SIRPA: variants seen among roughly 807,000 people sequenced by gnomAD.
SIRPA encodes the protein tyrosine-protein phosphatase non-receptor type substrate 1.
SIRPA carries 9 observed loss-of-function variants against 50.3 expected under a neutral mutation model. The ratio of observed to expected loss-of-function variants is 0.18; its 90% CI spans 0.11 to 0.31. SIRPA has a LOEUF of 0.31. Among genes scored for constraint, SIRPA ranks in the 10% least tolerant of loss-of-function variants. The pLI is 1.00. For missense variants in SIRPA, 474 were observed against 661.6 expected (o/e 0.72, Z 3.11); for synonymous variants, 265 against 284.1 (o/e 0.93, Z 0.68).
At chr20:1,931,646 G>A (rs1986304034) in intron 6 of SIRPA, among the ~76,000 whole-genome samples, 1 of 152,154 alleles carries the variant, frequency 6.6e-6, no homozygotes, top group Admixed American at 6.5e-5. Flanking sequence ...TCCAGAGGAC[G>A]TTGGTGTGAG....
rs936712888 is a variant in SIRPA, at chr20:1,937,974, A to ACCACCT, written c.*412_*417dup. 3.2e-4 allele frequency: 52 copies of ACCACCT among 164,066 alleles called. No individual in the cohort carries two copies. Among genetic ancestry groups the ACCACCT allele is most frequent in the Non-Finnish European group, 5.5e-4 (47 of 86,080 alleles). The allele number at this position is 164,066 out of a possible 1,614,324, so 10.2% of individuals were successfully genotyped here. A position where few individuals can be genotyped will look rare whatever the true frequency, so the allele number is the denominator to read the frequency against. On this transcript the variant is annotated 3_prime_UTR_variant, in exon 8 of 8. Coordinates refer to ENST00000358771, the MANE Select transcript of SIRPA (RefSeq NM_001040023.2). The surrounding 1 kb of genome is among the most constrained non-coding windows in gnomAD (Gnocchi z 8.3). Reference sequence around the variant, plus strand: ...GAAAATCCCACCTCCCCTGACCTCCACCACCTCCACCACCACCACCACCAC... The same window carrying ACCACCT: ...GAAAATCCCACCTCCCCTGACCTCCACCACCTCCACCTCCACCACCACCACCACCAC...
chr20:1,920,061 G>C (rs1261287932), intron 2 of SIRPA, among the ~76,000 whole-genome samples: 1 of 152,156 alleles, frequency 6.6e-6, no homozygotes, highest in African/African-American at 2.4e-5. Context: ...TCTTAACAGG[G>C]TGGGGTTTGT....
chr20:1,911,961 AC>A (rs201065154), intron 1 of SIRPA, among the ~76,000 whole-genome samples: 40 of 151,066 alleles, frequency 2.6e-4, no homozygotes, highest in African/African-American at 8.0e-4. Flanking sequence ...AAAAAAAAAA[AC>A]CCCTCTCTAC....
chr20:1,940,030 C>G lies in SIRPA; in HGVS notation c.*2462C>G, dbSNP rs1219027202. On this transcript the variant is annotated 3_prime_UTR_variant, in exon 8 of 8. Coordinates refer to ENST00000358771, the MANE Select transcript of SIRPA (RefSeq NM_001040023.2). ...TTGGAAACAACCTACAGCATTTGAG[C>G]CCCTCACGTAGGTTTTAGAGACGTA... The G allele has an allele frequency of 6.6e-6, 1 of 152,268 alleles. No homozygotes were observed. Among genetic ancestry groups the G allele is most frequent in the East Asian group, 1.9e-4 (1 of 5,204 alleles). 9.4% of individuals were successfully genotyped at this position (152,268 alleles called of 1,614,324 possible).
chr20:1,923,312 C>T (rs1049675420), intron 4 of SIRPA, among the ~76,000 whole-genome samples: 1 of 152,220 alleles, frequency 6.6e-6, no homozygotes, highest in Non-Finnish European at 1.5e-5. Flanking sequence ...AATGGTGGCA[C>T]CTGATTGGCA....
rs1260023716 is a variant in SIRPA at position 1,927,674 on chromosome 20, A to G, written c.1202-201A>G. Reference sequence around the variant, plus strand: ...CTTCCAGAAGTGGAAAAGCAGGACCATCTAGCTTACTCCTTCCCAGGCTTC... The same window carrying G: ...CTTCCAGAAGTGGAAAAGCAGGACCGTCTAGCTTACTCCTTCCCAGGCTTC... On this transcript the variant is annotated intron_variant, in intron 5 of 7. Transcript: ENST00000358771. The surrounding 1 kb of genome is among the most constrained non-coding windows in gnomAD (Gnocchi z 6.5). Among the ~76,000 whole-genome samples, 2 of 152,206 alleles carry G rather than the reference A, an allele frequency of 1.3e-5. No individual in the cohort carries two copies. The highest frequency in any genetic ancestry group is 1.5e-5 in the Non-Finnish European group (1 of 68,036).
rs1480883612 is a variant in SIRPA, at chr20:1,932,417, G to T, written c.1227-2298G>T. Reference sequence around the variant, plus strand: ...GGGACAAGACTGCACCAATCAAAGGGAACAGCCAGTGCCAAGACCCTGAGA... The same window carrying T: ...GGGACAAGACTGCACCAATCAAAGGTAACAGCCAGTGCCAAGACCCTGAGA... On this transcript the variant is annotated intron_variant, in intron 6 of 7. Coordinates refer to ENST00000358771, the MANE Select transcript of SIRPA (RefSeq NM_001040023.2). The surrounding 1 kb of genome is among the most constrained non-coding windows in gnomAD (Gnocchi z 6.0). Among the ~76,000 whole-genome samples, 1 of 152,148 alleles carries T rather than the reference G, an allele frequency of 6.6e-6. No homozygotes were observed. Among genetic ancestry groups the T allele is most frequent in the Non-Finnish European group, 1.5e-5 (1 of 68,032 alleles).
In SIRPA at chr20:1,914,819, T is replaced by TTG. The variant is rs1568500951; in HGVS notation, c.80-279_80-278insGT. Among the ~76,000 whole-genome samples the TTG allele has an allele frequency of 6.6e-5, 10 of 151,862 alleles. 2 individuals carry two copies. The highest frequency in any genetic ancestry group is 1.9e-4 in the East Asian group (1 of 5,138). Reference sequence around the variant, plus strand: ...CCCTTCTGGCTCATTCAGATTAGAATTAGCCCAGCTCAGATGTGACTCTTC... The same window carrying TTG: ...CCCTTCTGGCTCATTCAGATTAGAATTGTAGCCCAGCTCAGATGTGACTCTTC... On this transcript the variant is annotated intron_variant, in intron 1 of 7. Transcript: ENST00000358771.
intron 1 of SIRPA, among the ~76,000 whole-genome samples, chr20:1,902,043 G>A (rs1204417398): frequency 1.3e-5 from 2 of 152,222 alleles, no homozygotes; most frequent in African/African-American, 4.8e-5. Context: ...TTGAACATGT[G>A]TTAGCTCTTC....
intron 6 of SIRPA, among the ~76,000 whole-genome samples, chr20:1,929,542 G>A (rs1260223044): frequency 6.7e-6 from 1 of 150,006 alleles, no homozygotes; most frequent in East Asian, 1.9e-4. Flanking sequence ...TGCCAGAGAA[G>A]GCTCTGGGAA....
intron 2 of SIRPA, 56 bp downstream of exon 2, chr20:1,915,511 A>G: frequency 1.9e-6 from 3 of 1,579,774 alleles, no homozygotes; most frequent in Non-Finnish European, 2.6e-6. Context: ...CTCAATAATA[A>G]CACCCTCCAT....
chr20:1,912,877 C>A (rs899292473), intron 1 of SIRPA, among the ~76,000 whole-genome samples: 1 of 152,196 alleles, frequency 6.6e-6, no homozygotes, highest in Non-Finnish European at 1.5e-5. Context: ...CAGACCTATC[C>A]GGAAAGTTCC....
rs1986793835 is a variant in SIRPA at position 1,940,161 on chromosome 20, G to A, written c.*2593G>A. 1 of 152,238 alleles carries A rather than the reference G, an allele frequency of 6.6e-6. No individual in the cohort carries two copies. Among genetic ancestry groups the A allele is most frequent in the South Asian group, 2.1e-4 (1 of 4,834 alleles). The allele number at this position is 152,238 out of a possible 1,614,324, so 9.4% of individuals were successfully genotyped here. A position where few individuals can be genotyped will look rare whatever the true frequency, so the allele number is the denominator to read the frequency against. The stretch of plus-strand genomic sequence containing the variant: ...CGGCTCTGCTGCTTTGTAGCTGTGG[G>A]AGTTCAAACAGCACCTCTTTGAGAC... On this transcript the variant is annotated 3_prime_UTR_variant, in exon 8 of 8. Coordinates refer to ENST00000358771, the MANE Select transcript of SIRPA (RefSeq NM_001040023.2).
chr20:1,935,941 AGAGTCCAACAC>A (rs1986552505), intron 7 of SIRPA, among the ~76,000 whole-genome samples: 1 of 152,214 alleles, frequency 6.6e-6, no homozygotes, highest in Non-Finnish European at 1.5e-5. Context: ...GCACAGTCGT[AGAGTCCAACAC>A]ACTTTGGTTC....
rs555869067 is a variant in SIRPA at position 1,915,349 on chromosome 20, C to A, written c.330C>A (p.Asn110Lys). 1 of 1,612,944 alleles carries A rather than the reference C, an allele frequency of 6.2e-7. No individual in the cohort carries two copies. The highest frequency in any genetic ancestry group is 2.2e-5 in the East Asian group (1 of 44,774). The change falls in exon 2 of 8, where the codon AAC becomes AAA. Residue 110 changes from asparagine to lysine, a missense_variant. Around this residue, in one of 4 missense-constraint regions of SIRPA, gnomAD observed 221 missense variants for 359.9 expected, o/e 0.61. Coordinates refer to ENST00000358771, the MANE Select transcript of SIRPA (RefSeq NM_001040023.2). ...NNMDFSIRIG[N>K]ITPADAGTYY... The stretch of plus-strand genomic sequence containing the variant: ...TGGACTTTTCCATCCGCATCGGTAA[C>A]ATCACCCCAGCAGATGCCGGCACCT...
Position 1,924,711 on chromosome 20 carries a change from G to C in SIRPA, c.1088-53G>C, listed in dbSNP as rs879104041. On this transcript the variant is annotated intron_variant, in intron 4 of 7. Transcript: ENST00000358771. The surrounding 1 kb of genome is among the most constrained non-coding windows in gnomAD (Gnocchi z 4.5). ...GTGGTGAAAAGCAGTGGTGGGTTTG[G>C]TTTTCTGTTTTTAATCTGCATACGT... The C allele has an allele frequency of 1.9e-4, 279 of 1,496,376 alleles. 1 individual carries two copies. Among genetic ancestry groups the C allele is most frequent in the South Asian group, 9.0e-4 (80 of 88,598 alleles). 92.7% of individuals were successfully genotyped at this position (1,496,376 alleles called of 1,614,324 possible).
upstream of SIRPA, chr20:1,894,827 C>T (rs2122915717): frequency 6.8e-6 from 1 of 147,912 alleles, no homozygotes; most frequent in East Asian, 2.0e-4. The surrounding 1 kb of genome is among the most constrained non-coding windows in gnomAD (Gnocchi z 4.0). Context: ...CCGAAGCCTC[C>T]CCGGGCGGCG....
At chr20:1,904,244 A>G (rs1402361084) in intron 1 of SIRPA, among the ~76,000 whole-genome samples, 2 of 152,238 alleles carry the variant, frequency 1.3e-5, no homozygotes, top group Non-Finnish European at 2.9e-5. Context: ...GGCGGCCAAG[A>G]AACCCCGGAA....
At chr20:1,911,527 T>A (rs1399893940) in intron 1 of SIRPA, among the ~76,000 whole-genome samples, 1 of 152,218 alleles carries the variant, frequency 6.6e-6, no homozygotes, top group African/African-American at 2.4e-5. Flanking sequence ...TAATTCCACA[T>A]AGGGGATAGG....
Sources: gnomAD v4.1 joint callset for allele counts (sites outside exome capture counted in the v4.1 genomes callset) on GRCh38, gnomAD v4.1.1 for gene constraint, gnomAD v4.1.1 regional missense constraint, Gnocchi (gnomAD v3.1) non-coding constraint, MANE v1.5 for transcripts, NCBI Gene and HGNC (gene_info 2026-07-23, HGNC 2026-07-21) for gene names.